TRAPPC9: variants seen among roughly 807,000 people sequenced by gnomAD.
The protein encoded by TRAPPC9 is IKK2 binding protein.
A neutral mutation model predicts 124.0 loss-of-function variants in TRAPPC9; 83 were observed. That is an observed-to-expected ratio of 0.67 (90% CI 0.56 to 0.80). TRAPPC9 has a LOEUF of 0.80. Ranked by LOEUF, TRAPPC9 falls within the 30% of genes least tolerant of loss-of-function variation. The pLI is 0.00. For synonymous variants in TRAPPC9, 638 were observed against 617.5 expected (o/e 1.03, Z -0.49); for missense variants, 1,302 against 1,508.3 (o/e 0.86, Z 2.27).
At chr8:140,138,412 C>T (rs1486215472) in intron 17 of TRAPPC9, among the ~76,000 whole-genome samples, 4 of 152,152 alleles carry the variant, frequency 2.6e-5, no homozygotes, top group East Asian at 3.8e-4. Context: ...CTCTGGGCTC[C>T]GGGTTTGTTA....
At chr8:140,453,933 G>C (rs1318766391) in intron 1 of TRAPPC9, among the ~76,000 whole-genome samples, 1 of 152,204 alleles carries the variant, frequency 6.6e-6, no homozygotes, top group Non-Finnish European at 1.5e-5. Context: ...AAACACCGAA[G>C]CCTTCATTCT....
At chr8:139,772,390 G>C (rs898282441) in intron 21 of TRAPPC9, among the ~76,000 whole-genome samples, 1 of 152,140 alleles carries the variant, frequency 6.6e-6, no homozygotes, top group Admixed American at 6.5e-5. Context: ...TGAGGAGATG[G>C]GGGCTGGGGC....
intron 1 of TRAPPC9, among the ~76,000 whole-genome samples, chr8:140,452,452 A>G (rs1041817254): frequency 1.8e-4 from 28 of 151,850 alleles, no homozygotes; most frequent in African/African-American, 6.5e-4. Flanking sequence ...AATTAAAAGA[A>G]AAAGAACTTG....
chr8:140,292,324 C>G (rs969435625), intron 11 of TRAPPC9, among the ~76,000 whole-genome samples: 1 of 152,144 alleles, frequency 6.6e-6, no homozygotes. Flanking sequence ...AAGGTCCAAA[C>G]AGGGTAATAA....
intron 21 of TRAPPC9, among the ~76,000 whole-genome samples, chr8:139,834,086 G>C (rs748033157): frequency 1.2e-4 from 19 of 152,304 alleles, no homozygotes; most frequent in Non-Finnish European, 8.8e-5. Context: ...ACGAAGCAGG[G>C]TGAGAAACTC....
At chr8:140,078,666 C>T (rs985771333) in intron 17 of TRAPPC9, among the ~76,000 whole-genome samples, 1 of 152,134 alleles carries the variant, frequency 6.6e-6, no homozygotes, top group African/African-American at 2.4e-5. Context: ...AGAGGCAGCT[C>T]AGGGTTGAGA....
chr8:140,193,799 G>A (rs553513910), intron 17 of TRAPPC9, among the ~76,000 whole-genome samples: 67 of 152,262 alleles, frequency 4.4e-4, no homozygotes, highest in African/African-American at 1.5e-3. Context: ...ACAAACTATC[G>A]CTGCAAATGA....
At chr8:139,765,460 G>A (rs1006320444) in intron 21 of TRAPPC9, among the ~76,000 whole-genome samples, 9 of 152,234 alleles carry the variant, frequency 5.9e-5, no homozygotes, top group Admixed American at 2.6e-4. Context: ...CAGAAGGTTA[G>A]TAGCCAATAT....
At chr8:140,092,345 C>T (rs1844625339) in intron 17 of TRAPPC9, among the ~76,000 whole-genome samples, 1 of 151,600 alleles carries the variant, frequency 6.6e-6, no homozygotes, top group Non-Finnish European at 1.5e-5. Flanking sequence ...TTACAGGCGC[C>T]CGATGCCACG....
intron 17 of TRAPPC9, among the ~76,000 whole-genome samples, chr8:140,108,299 C>T (rs2060703796): frequency 6.6e-6 from 1 of 152,226 alleles, no homozygotes; most frequent in African/African-American, 2.4e-5. Context: ...CCACTAGGGG[C>T]ACAGCCCTTC....
At chr8:140,223,941 C>A (rs545753130) in intron 16 of TRAPPC9, among the ~76,000 whole-genome samples, 6 of 152,144 alleles carry the variant, frequency 3.9e-5, no homozygotes, top group African/African-American at 1.4e-4. Context: ...GTCCATGGCA[C>A]CTTATGCCCA....
intron 18 of TRAPPC9, among the ~76,000 whole-genome samples, chr8:139,991,194 T>C (rs1186713981): frequency 2.0e-5 from 3 of 152,138 alleles, no homozygotes; most frequent in East Asian, 1.9e-4. Flanking sequence ...AGGAGGAAAA[T>C]TGAAGTGATT....
intron 17 of TRAPPC9, among the ~76,000 whole-genome samples, chr8:140,168,876 GA>G: frequency 6.6e-6 from 1 of 152,228 alleles, no homozygotes. Flanking sequence ...TCCTTCACTA[GA>G]GGGTAAGTTC....
chr8:139,737,923 T>A (rs1818307165), intron 21 of TRAPPC9, among the ~76,000 whole-genome samples: 1 of 152,136 alleles, frequency 6.6e-6, no homozygotes, highest in Non-Finnish European at 1.5e-5. Context: ...GCTTTGCATT[T>A]CGACAGCTTC....
intron 17 of TRAPPC9, chr8:140,039,837 G>T (rs1271830140): frequency 6.6e-6 from 1 of 152,248 alleles, no homozygotes; most frequent in Non-Finnish European, 1.5e-5. Context: ...CAACTTGTCA[G>T]TGGCCAGTCA....
chr8:140,366,679 T>C (rs968770208), intron 8 of TRAPPC9, among the ~76,000 whole-genome samples: 4 of 152,236 alleles, frequency 2.6e-5, no homozygotes, highest in Non-Finnish European at 5.9e-5. Flanking sequence ...GTTATATCTT[T>C]AGATAAAACA....
intron 17 of TRAPPC9, among the ~76,000 whole-genome samples, chr8:140,172,370 G>T (rs2061982795): frequency 6.6e-6 from 1 of 150,634 alleles, no homozygotes; most frequent in Admixed American, 6.7e-5. Flanking sequence ...CAATGGAGGG[G>T]GAGTTAAACT....
At chr8:140,139,113 G>A (rs1408143373) in intron 17 of TRAPPC9, among the ~76,000 whole-genome samples, 1 of 152,166 alleles carries the variant, frequency 6.6e-6, no homozygotes. Context: ...TAGAAGTGAA[G>A]GATGGCACAG....
intron 2 of TRAPPC9, among the ~76,000 whole-genome samples, chr8:140,449,628 C>A (rs7819876): frequency 0.56 from 84,799 of 152,138 alleles, 23,814 homozygotes; most frequent in Non-Finnish European, 0.57. Flanking sequence ...CATTTGTATA[C>A]GGTAGCTGTT....
Sources: allele counts gnomAD v4.1 joint callset (sites outside exome capture counted in the v4.1 genomes callset), GRCh38; gene constraint gnomAD v4.1.1; transcripts MANE v1.5; gene names NCBI Gene and HGNC (gene_info 2026-07-23, HGNC 2026-07-21).